CHKA: variants seen among roughly 807,000 people sequenced by gnomAD.
CHKA encodes the protein choline kinase alpha.
In CHKA, 34 loss-of-function variants were observed where a neutral mutation model predicts 60.1. The ratio of observed to expected loss-of-function variants is 0.57; its 90% confidence interval spans 0.43 to 0.75. The LOEUF is 0.75. CHKA is among the 30% of genes least tolerant of loss of function. CHKA has a pLI of 0.00. For synonymous variants in CHKA, 217 were observed against 223.1 expected, an observed-to-expected ratio of 0.97 and a Z score of 0.24; for missense variants, 563 against 561.3, an observed-to-expected ratio of 1.00 and a Z score of -0.03.
chr11:68,075,683 C>T lies in CHKA; in HGVS notation c.517-853G>A, dbSNP rs187895216. Among the ~76,000 whole-genome samples the T allele has an allele frequency of 2.4e-3, 361 of 152,198 alleles. 1 individual carries two copies. The highest frequency in any genetic ancestry group is 8.4e-3 in the African/African-American group (348 of 41,528). The stretch of plus-strand genomic sequence containing the variant: ...CCAGGCGGTGGCTCATGCCTGTAAT[C>T]CCAACACTTTGGGAGGCTGAGGTGG... On this transcript the variant is annotated intron_variant, in intron 3 of 11. Coordinates refer to ENST00000265689, the MANE Select transcript of CHKA (RefSeq NM_001277.3).
At chr11:68,117,272 A>T (rs6591331) in intron 1 of CHKA, among the ~76,000 whole-genome samples, 97,841 of 151,982 alleles carry the variant, frequency 0.64, 31,664 homozygotes, top group Middle Eastern at 0.75. Flanking sequence ...AAAGGCCTGG[A>T]AACTGAAAAC....
chr11:68,075,705 G>A (rs1320504712), intron 3 of CHKA, among the ~76,000 whole-genome samples: 2 of 152,138 alleles, frequency 1.3e-5, no homozygotes, highest in African/African-American at 4.8e-5. Context: ...GGAGGCTGAG[G>A]TGGGAGGATC....
At chr11:68,087,529 T>C (rs926467631) in intron 2 of CHKA, among the ~76,000 whole-genome samples, 1 of 152,012 alleles carries the variant, frequency 6.6e-6, no homozygotes, top group East Asian at 1.9e-4. Context: ...ATAGGTACTA[T>C]GTTAAATATA....
At chr11:68,116,223 C>T (rs945321761) in intron 1 of CHKA, among the ~76,000 whole-genome samples, 1 of 152,138 alleles carries the variant, frequency 6.6e-6, no homozygotes, top group South Asian at 2.1e-4. Flanking sequence ...GTATCCTTCA[C>T]AAGATTTTAA....
At chr11:68,085,928 T>A (rs1857164183) in intron 2 of CHKA, among the ~76,000 whole-genome samples, 1 of 152,152 alleles carries the variant, frequency 6.6e-6, no homozygotes, top group African/African-American at 2.4e-5. Flanking sequence ...CACGCCCGGC[T>A]ATTTAGGCTT....
chr11:68,065,953 C>G, intron 8 of CHKA, 59 bp from the exon 9 acceptor site: 2 of 1,220,464 alleles, frequency 1.6e-6, no homozygotes, highest in Non-Finnish European at 2.4e-6. Context: ...TGGAGGCTCC[C>G]TGACTGCAGA....
intron 3 of CHKA, among the ~76,000 whole-genome samples, chr11:68,079,242 A>G (rs1467231894): frequency 3.9e-5 from 6 of 151,906 alleles, no homozygotes; most frequent in Non-Finnish European, 8.8e-5. Context: ...CATCAACGTT[A>G]ATGTCCTGGT....
intron 10 of CHKA, among the ~76,000 whole-genome samples, chr11:68,062,981 CAA>C (rs1157034251): frequency 2.6e-5 from 4 of 152,184 alleles, no homozygotes; most frequent in Admixed American, 6.5e-5. Context: ...CAGGAGACCC[CAA>C]ATAATAGGAA....
chr11:68,059,083 C>T (rs1038006871), intron 11 of CHKA, among the ~76,000 whole-genome samples: 10 of 152,076 alleles, frequency 6.6e-5, no homozygotes, highest in African/African-American at 2.2e-4. Flanking sequence ...TTAGTAGAGA[C>T]GGGGTTTCTC....
At chr11:68,095,637 A>G (rs1404866412) in intron 2 of CHKA, among the ~76,000 whole-genome samples, 3 of 133,252 alleles carry the variant, frequency 2.3e-5, no homozygotes, top group Non-Finnish European at 3.1e-5. Flanking sequence ...TGAACCCGGG[A>G]GGCAGAGTTT....
At chr11:68,068,842 A>G (rs768184936) in intron 7 of CHKA, 37 bp downstream of exon 7, 10 of 1,505,314 alleles carry the variant, frequency 6.6e-6, no homozygotes, top group Non-Finnish European at 9.2e-6. Context: ...AAGTATGCAC[A>G]CAAACCTCAT....
At chr11:68,060,151 C>T (rs999542736) in intron 11 of CHKA, among the ~76,000 whole-genome samples, 8 of 151,498 alleles carry the variant, frequency 5.3e-5, no homozygotes, top group Admixed American at 1.3e-4. Context: ...CTCAGCCTCC[C>T]GAGTTAGCTG....
In CHKA at chr11:68,064,599, G is replaced by A. The variant is rs1242567561; in HGVS notation, c.1158C>T (p.Phe386=). The change falls in exon 10 of 12, where the codon TTC becomes TTT. Residue 386 remains phenylalanine, a synonymous_variant. Coordinates refer to ENST00000265689, the MANE Select transcript of CHKA (RefSeq NM_001277.3). ...TACTGAGGTTTTCAAAGTCATTTTG[G>A]AATGCAGGCAAGTAACTGGAAATAA... The part of the protein sequence containing the change: ...LHFISSYLPA[F]QNDFENLSTE... 5 of 1,595,140 alleles carry A rather than the reference G, an allele frequency of 3.1e-6. No homozygotes were observed. The highest frequency in any genetic ancestry group is 1.8e-5 in the Admixed American group (1 of 55,752).
In CHKA at chr11:68,071,622, A is replaced by G. The variant is rs75762086; in HGVS notation, c.631-765T>C. On this transcript the variant is annotated intron_variant, in intron 4 of 11. Transcript: ENST00000265689. ...TTTCTGTGAAAATGCAAAGAAGTAC[A>G]GCACAGGGGTAAGAGTGAATGCTCC... 1.0e-3 allele frequency among the ~76,000 whole-genome samples: 158 copies of G among 152,378 alleles called. 8 individuals are homozygous for G. In the East Asian group the frequency reaches 0.03, roughly 29 times the overall value.
At chr11:68,098,513 T>A (rs1364445720) in intron 1 of CHKA, among the ~76,000 whole-genome samples, 1 of 151,768 alleles carries the variant, frequency 6.6e-6, no homozygotes, top group Non-Finnish European at 1.5e-5. Flanking sequence ...AAATGGGGAG[T>A]TGGTTTAAGT....
At chr11:68,055,263 G>A (rs183209579) in intron 11 of CHKA, among the ~76,000 whole-genome samples, 24 of 152,294 alleles carry the variant, frequency 1.6e-4, no homozygotes, top group Admixed American at 3.3e-4. Context: ...GGTGGCGGGC[G>A]CCTGTAATCC....
At chr11:68,114,621 C>T (rs772856131) in intron 1 of CHKA, among the ~76,000 whole-genome samples, 109 of 151,622 alleles carry the variant, frequency 7.2e-4, no homozygotes, top group Non-Finnish European at 1.3e-3. Context: ...TGCCTGAACC[C>T]GGAAGGCGGA....
chr11:68,109,188 C>T (rs1449076309), intron 1 of CHKA, among the ~76,000 whole-genome samples: 3 of 148,314 alleles, frequency 2.0e-5, no homozygotes, highest in African/African-American at 7.5e-5. Flanking sequence ...CTCCCGGGTT[C>T]ACACCATTCT....
intron 3 of CHKA, among the ~76,000 whole-genome samples, chr11:68,078,022 G>A (rs1856848068): frequency 1.3e-5 from 2 of 152,278 alleles, no homozygotes; most frequent in South Asian, 4.1e-4. Context: ...TGTTGTTGAT[G>A]TTTACAGCTC....
Sources: allele counts gnomAD v4.1 joint callset (sites outside exome capture counted in the v4.1 genomes callset), GRCh38; gene constraint gnomAD v4.1.1; transcripts MANE v1.5; gene names NCBI Gene and HGNC (gene_info 2026-07-23, HGNC 2026-07-21).